CENPC: variants seen among roughly 807,000 people sequenced by gnomAD.
The protein encoded by CENPC is CENP-C 1.
In CENPC, 63 loss-of-function variants were observed where a neutral mutation model predicts 112.1. That is an observed-to-expected ratio of 0.56 (90% confidence interval 0.46 to 0.69). The LOEUF (loss-of-function observed/expected upper bound fraction) is 0.69, where lower values mean the gene tolerates loss of function less well. CENPC is among the 30% of genes least tolerant of loss of function. The pLI, the probability that CENPC is intolerant of heterozygous loss-of-function variation, is 0.00. For synonymous variants in CENPC, 333 were observed against 367.6 expected, an observed-to-expected ratio of 0.91 and a Z score of 1.08; for missense variants, 1,000 against 1,103.8, an observed-to-expected ratio of 0.91 and a Z score of 1.33.
intron 9 of CENPC, 30 bp from the exon 10 acceptor site, chr4:67,509,135 G>C: frequency 1.3e-6 from 2 of 1,545,316 alleles, no homozygotes; most frequent in Admixed American, 3.7e-5. Context: ...CCTAAAGTTA[G>C]TAAGTTTGTC....
chr4:67,514,459 T>C lies in CENPC; in HGVS notation c.1059A>G (p.Ile353Met), dbSNP rs769504041. ...GRKSREKHHN[I>M]LPKTLANDKH... Reference sequence around the variant, plus strand: ...TGTCATTTGCCAAAGTCTTAGGTAATATATTATGATGCTTTTCTCTTGACT... The same window carrying C: ...TGTCATTTGCCAAAGTCTTAGGTAACATATTATGATGCTTTTCTCTTGACT... Residue 353 changes from isoleucine to methionine, a missense_variant, in exon 8 of 19, where the codon ATA (isoleucine) becomes ATG (methionine). Coordinates refer to ENST00000273853, the MANE Select transcript of CENPC (RefSeq NM_001812.4). 39 of 1,613,622 alleles carry C rather than the reference T, an allele frequency of 2.4e-5. No homozygotes were observed. Among genetic ancestry groups the C allele is most frequent in the Non-Finnish European group, 3.1e-5 (36 of 1,179,846 alleles).
intron 12 of CENPC, among the ~76,000 whole-genome samples, chr4:67,496,960 TTGG>T (rs1725449461): frequency 7.0e-6 from 1 of 142,054 alleles, no homozygotes; most frequent in African/African-American, 2.6e-5. Context: ...CTCATCTCTG[TTGG>T]AAATTCTCCT....
At chr4:67,544,397 T>C (rs1331595710) in intron 1 of CENPC, among the ~76,000 whole-genome samples, 2 of 152,232 alleles carry the variant, frequency 1.3e-5, no homozygotes, top group Non-Finnish European at 2.9e-5. Context: ...TGGTAAGCTT[T>C]ATTCCGCTTC....
intron 4 of CENPC, among the ~76,000 whole-genome samples, chr4:67,532,555 T>C (rs1726586678): frequency 6.6e-6 from 1 of 152,188 alleles, no homozygotes; most frequent in African/African-American, 2.4e-5. Context: ...CACCATGGAA[T>C]ACTATGCAGC....
intron 12 of CENPC, among the ~76,000 whole-genome samples, chr4:67,501,445 T>A (rs143282630): frequency 4.6e-5 from 7 of 152,330 alleles, no homozygotes; most frequent in Non-Finnish European, 1.0e-4. Flanking sequence ...CAAATATGAA[T>A]GGCACACATT....
At chr4:67,497,260 C>A (rs1725460594) in intron 12 of CENPC, among the ~76,000 whole-genome samples, 1 of 151,912 alleles carries the variant, frequency 6.6e-6, no homozygotes, top group East Asian at 1.9e-4. Context: ...CGCCTGTAAT[C>A]TCAGCTACTC....
intron 4 of CENPC, 128 bp downstream of exon 4, chr4:67,539,712 G>T (rs888556185): frequency 1.7e-5 from 8 of 483,252 alleles, no homozygotes; most frequent in Non-Finnish European, 2.5e-5. Flanking sequence ...TTTATAGAAA[G>T]TCAATGGGAA....
intron 4 of CENPC, among the ~76,000 whole-genome samples, chr4:67,538,540 G>T (rs1185557935): frequency 6.6e-6 from 1 of 152,202 alleles, no homozygotes; most frequent in Non-Finnish European, 1.5e-5. Context: ...GACACACAGG[G>T]GAAATCCTCA....
At chr4:67,483,792 A>T (rs1043712224) in intron 17 of CENPC, among the ~76,000 whole-genome samples, 2 of 152,152 alleles carry the variant, frequency 1.3e-5, no homozygotes, top group African/African-American at 4.8e-5. Flanking sequence ...TTAAAAAAAA[A>T]ATAGAAAAAA....
At chr4:67,486,553 T>G (rs1220208664) in intron 17 of CENPC, among the ~76,000 whole-genome samples, 1 of 152,182 alleles carries the variant, frequency 6.6e-6, no homozygotes, top group Non-Finnish European at 1.5e-5. Flanking sequence ...CGGTTCTCAA[T>G]CAAGGTGATT....
chr4:67,534,937 G>C (rs536589209), intron 4 of CENPC, among the ~76,000 whole-genome samples: 1 of 152,072 alleles, frequency 6.6e-6, no homozygotes, highest in Non-Finnish European at 1.5e-5. Flanking sequence ...AAAAGGGTTA[G>C]ATGAACCTAA....
chr4:67,491,476 TATATAGAGAGAGAGAGAGAGAG>T (rs1299186567), intron 16 of CENPC, among the ~76,000 whole-genome samples: 4 of 28,588 alleles, frequency 1.4e-4, no homozygotes, highest in Non-Finnish European at 1.4e-4. Context: ...TATATATATA[TATATAGAGAGAGAGAGAGAGAG>T]AGAGAGAGAG....
intron 16 of CENPC, among the ~76,000 whole-genome samples, chr4:67,491,711 C>T (rs1407518000): frequency 6.6e-6 from 1 of 151,954 alleles, no homozygotes; most frequent in Admixed American, 6.6e-5. Flanking sequence ...GATGCCCTTG[C>T]TAGTCATCCT....
intron 7 of CENPC, 63 bp from the exon 8 acceptor site, chr4:67,514,750 G>T: frequency 7.1e-7 from 1 of 1,409,686 alleles, no homozygotes; most frequent in African/African-American, 1.5e-5. Context: ...GTTTAGTAAA[G>T]AAAATAATCT....
intron 17 of CENPC, among the ~76,000 whole-genome samples, chr4:67,483,922 TAC>T (rs1725020555): frequency 6.6e-6 from 1 of 152,198 alleles, no homozygotes; most frequent in Admixed American, 6.5e-5. Context: ...GTGAAAATGT[TAC>T]AGTTAGATGA....
At chr4:67,493,027 CATGGGA>C in intron 14 of CENPC, 30 bp from the exon 15 acceptor site, 1 of 1,483,812 alleles carries the variant, frequency 6.7e-7, no homozygotes, top group South Asian at 1.4e-5. Context: ...GTAAAATATA[CATGGGA>C]AAGACAAAAT....
intron 8 of CENPC, among the ~76,000 whole-genome samples, chr4:67,513,419 G>A (rs1232569600): frequency 2.0e-5 from 3 of 152,170 alleles, no homozygotes; most frequent in Admixed American, 6.5e-5. Flanking sequence ...AAAAATTAGT[G>A]TGTAGAATAT....
intron 7 of CENPC, among the ~76,000 whole-genome samples, chr4:67,516,836 G>A (rs1393943825): frequency 6.6e-6 from 1 of 151,898 alleles, no homozygotes; most frequent in African/African-American, 2.4e-5. Context: ...TTGGTCACAA[G>A]GAAATGCAAG....
chr4:67,529,209 T>G (rs1428584764), intron 5 of CENPC, among the ~76,000 whole-genome samples: 1 of 152,226 alleles, frequency 6.6e-6, no homozygotes, highest in African/African-American at 2.4e-5. Flanking sequence ...GTAGAAGTTC[T>G]TTATATATTC....
Sources: allele counts gnomAD v4.1 joint callset (sites outside exome capture counted in the v4.1 genomes callset), GRCh38; gene constraint gnomAD v4.1.1; transcripts MANE v1.5; gene names NCBI Gene and HGNC (gene_info 2026-07-23, HGNC 2026-07-21).